Variants in MLLT3 observed in about 807,000 individuals in gnomAD.
MLLT3 encodes the protein protein AF-9.
In MLLT3, 4 loss-of-function variants were observed where a neutral mutation model predicts 53.2. That is an observed-to-expected ratio of 0.08 (90% confidence interval 0.04 to 0.17). The LOEUF is 0.17. Among genes scored for constraint, MLLT3 ranks in the 10% least tolerant of loss-of-function variants. The pLI, the probability that MLLT3 is intolerant of heterozygous loss-of-function variation, is 1.00. For missense variants in MLLT3, 569 were observed against 684.0 expected (o/e 0.83, Z 1.87); for synonymous variants, 283 against 230.6 (o/e 1.23, Z -2.06).
At chr9:20,409,968 G>A (rs1822680850) in intron 5 of MLLT3, among the ~76,000 whole-genome samples, 2 of 152,130 alleles carry the variant, frequency 1.3e-5, no homozygotes, top group African/African-American at 4.8e-5. Context: ...GCAGTACTTG[G>A]TATGTTCTTG....
Position 20,448,351 on chromosome 9 carries a change from AAT to A in MLLT3, c.277-87_277-86del. The A allele has an allele frequency of 7.7e-7, 1 of 1,301,694 alleles. No homozygotes were observed. The allele number at this position is 1,301,694 out of a possible 1,614,324, so 80.6% of individuals were successfully genotyped here. On this transcript the variant is annotated intron_variant, in intron 3 of 10. Coordinates refer to ENST00000380338, the MANE Select transcript of MLLT3 (RefSeq NM_004529.4). This position sits in a 1 kb window ranked among gnomAD's most constrained non-coding sequence, Gnocchi z 4.0. ...AAGCAAAAATTTACTCCTCATAAGA[AAT>A]AGAAAAGAACTAAGACATCTAACAG...
intron 5 of MLLT3, among the ~76,000 whole-genome samples, chr9:20,381,334 G>C (rs775176832): frequency 2.0e-4 from 31 of 151,860 alleles, no homozygotes; most frequent in Non-Finnish European, 4.3e-4. Flanking sequence ...CTTGAATGTA[G>C]TTCCAGGAAA....
intron 5 of MLLT3, among the ~76,000 whole-genome samples, chr9:20,381,917 C>T (rs900829071): frequency 6.6e-6 from 1 of 151,792 alleles, no homozygotes; most frequent in Non-Finnish European, 1.5e-5. Flanking sequence ...TCCTTAGCTT[C>T]TCTCAGAAAA....
chr9:20,357,352 G>C (rs752005314), intron 8 of MLLT3, among the ~76,000 whole-genome samples: 1 of 152,272 alleles, frequency 6.6e-6, no homozygotes, highest in Non-Finnish European at 1.5e-5. Flanking sequence ...ATCTCTGGTT[G>C]AAATGACGCA....
chr9:20,615,805 T>A (rs796651076), intron 2 of MLLT3, among the ~76,000 whole-genome samples: 1 of 146,602 alleles, frequency 6.8e-6, no homozygotes, highest in African/African-American at 2.5e-5. Context: ...GGACATGTGA[T>A]AACACAATAG....
At position 20,546,984 on chromosome 9, in the gene MLLT3, G is replaced by C. The variant is rs537129428; in HGVS notation, c.193+73670C>G. Among the ~76,000 whole-genome samples the C allele has an allele frequency of 3.3e-5, 5 of 152,238 alleles. No individual in the cohort carries two copies. In the South Asian group the frequency reaches 1.0e-3, roughly 32 times the overall value. ...GCCTGCTGCCACTGGATTCTTCCCC[G>C]TATATAAGGCCCAGAAACACCCCAT... On this transcript the variant is annotated intron_variant, in intron 2 of 10. Transcript: ENST00000380338.
At chr9:20,455,636 GA>G (rs984135710) in intron 3 of MLLT3, among the ~76,000 whole-genome samples, 2 of 149,740 alleles carry the variant, frequency 1.3e-5, no homozygotes, top group East Asian at 1.9e-4. Flanking sequence ...TTCCTTAAAA[GA>G]AAAAAAAAGC....
At chr9:20,588,785 C>A (rs1453597582) in intron 2 of MLLT3, among the ~76,000 whole-genome samples, 3 of 152,174 alleles carry the variant, frequency 2.0e-5, no homozygotes, top group Non-Finnish European at 4.4e-5. Context: ...ATGTCATCTG[C>A]AAACAGGGAC....
At chr9:20,502,542 T>C (rs1027962995) in intron 2 of MLLT3, among the ~76,000 whole-genome samples, 1 of 152,222 alleles carries the variant, frequency 6.6e-6, no homozygotes, top group Admixed American at 6.5e-5. Context: ...AAATTACATC[T>C]GTACTGAACT....
intron 4 of MLLT3, among the ~76,000 whole-genome samples, chr9:20,434,604 C>T (rs1823356075): frequency 6.6e-6 from 1 of 152,162 alleles, no homozygotes; most frequent in Non-Finnish European, 1.5e-5. Context: ...CCATATTATC[C>T]TAAGAGGAAT....
chr9:20,577,740 G>C (rs1255001238), intron 2 of MLLT3, among the ~76,000 whole-genome samples: 2 of 152,180 alleles, frequency 1.3e-5, no homozygotes, highest in Admixed American at 6.5e-5. Flanking sequence ...ATAAATCCTA[G>C]TGTTTAGTTT....
chr9:20,373,004 A>T (rs1821654309), intron 5 of MLLT3, among the ~76,000 whole-genome samples: 1 of 152,132 alleles, frequency 6.6e-6, no homozygotes, highest in Non-Finnish European at 1.5e-5. Context: ...ATTGTCTGGA[A>T]CCTAACCTGC....
At chr9:20,590,738 T>G (rs951248620) in intron 2 of MLLT3, among the ~76,000 whole-genome samples, 1 of 152,176 alleles carries the variant, frequency 6.6e-6, no homozygotes, top group African/African-American at 2.4e-5. Flanking sequence ...AATTGCCGTC[T>G]TCTTTTTTTT....
chr9:20,410,362 C>A (rs899128680), intron 5 of MLLT3, among the ~76,000 whole-genome samples: 3 of 152,046 alleles, frequency 2.0e-5, no homozygotes, highest in Non-Finnish European at 4.4e-5. Flanking sequence ...AGTGTGTTAA[C>A]GTTTCACCCA....
chr9:20,593,177 T>C lies in MLLT3; in HGVS notation c.193+27477A>G, dbSNP rs187187817. ...AAATAAAAAAACAAGGGCTTCAATATTGTAAATTTAAATGGCCATAAACGT... is the reference window on the plus strand; with the variant it reads ...AAATAAAAAAACAAGGGCTTCAATACTGTAAATTTAAATGGCCATAAACGT... On this transcript the variant is annotated intron_variant, in intron 2 of 10. Transcript: ENST00000380338. Among the ~76,000 whole-genome samples, 601 of 152,304 alleles carry C rather than the reference T, an allele frequency of 3.9e-3. 6 individuals carry two copies. Among genetic ancestry groups the C allele is most frequent in the African/African-American group, 0.014 (579 of 41,562 alleles).
chr9:20,622,187 G>T lies in MLLT3; in HGVS notation c.12+58C>A, dbSNP rs1177530724. The T allele has an allele frequency of 3.3e-6, 5 of 1,523,822 alleles. No homozygotes were observed. The African/African-American group carries it at 4.1e-5, about 13-fold the overall frequency. The allele number at this position is 1,523,822 out of a possible 1,614,324, so 94.4% of individuals were successfully genotyped here. ...CTGGCGCTGTCTGGGCTGCGGCGGCGCAGGGCGAGGAAGGAAAGTGGGGGA... is the reference window on the plus strand; with the variant it reads ...CTGGCGCTGTCTGGGCTGCGGCGGCTCAGGGCGAGGAAGGAAAGTGGGGGA... On this transcript the variant is annotated intron_variant, in intron 1 of 10. Coordinates refer to ENST00000380338, the MANE Select transcript of MLLT3 (RefSeq NM_004529.4).
intron 4 of MLLT3, among the ~76,000 whole-genome samples, chr9:20,447,883 T>C (rs902328050): frequency 3.3e-5 from 5 of 152,174 alleles, no homozygotes; most frequent in South Asian, 2.1e-4. Flanking sequence ...TTGAGCTGCA[T>C]AGATCTTAAG....
chr9:20,496,406 C>T (rs1156403075), intron 2 of MLLT3, among the ~76,000 whole-genome samples: 4 of 152,106 alleles, frequency 2.6e-5, no homozygotes, highest in African/African-American at 7.2e-5. Flanking sequence ...AAGATCTAGG[C>T]TTATAATTCA....
intron 2 of MLLT3, among the ~76,000 whole-genome samples, chr9:20,470,231 A>T (rs1040131722): frequency 6.6e-6 from 1 of 152,012 alleles, no homozygotes; most frequent in Non-Finnish European, 1.5e-5. Flanking sequence ...GAAAATGTGG[A>T]AAGTATAGAA....
Sources: gnomAD v4.1 joint callset for allele counts (sites outside exome capture counted in the v4.1 genomes callset) on GRCh38, gnomAD v4.1.1 for gene constraint, Gnocchi (gnomAD v3.1) non-coding constraint, MANE v1.5 for transcripts, NCBI Gene and HGNC (gene_info 2026-07-23, HGNC 2026-07-21) for gene names.